The following GPD2 variants were observed in gnomAD, a reference collection of about 807,000 sequenced individuals.
GPD2 encodes glycerol-3-phosphate dehydrogenase, mitochondrial.
In GPD2, 54 loss-of-function variants were observed where a neutral mutation model predicts 82.4. The ratio of observed to expected loss-of-function variants is 0.66; its 90% CI spans 0.53 to 0.82. GPD2 has a LOEUF of 0.82. Ranked by LOEUF, GPD2 falls within the 40% of genes least tolerant of loss-of-function variation. GPD2 has a pLI of 0.00. For synonymous variants in GPD2, 288 were observed against 306.1 expected (o/e 0.94, Z 0.62); for missense variants, 748 against 896.2 (o/e 0.83, Z 2.11).
chr2:156,519,847 G>T (rs763148182), intron 6 of GPD2, among the ~76,000 whole-genome samples: 1 of 152,218 alleles, frequency 6.6e-6, no homozygotes, highest in Non-Finnish European at 1.5e-5. Flanking sequence ...GCATCTAGGG[G>T]TGTGTTATGA....
chr2:156,467,449 G>A (rs1294993937), intron 1 of GPD2, among the ~76,000 whole-genome samples: 1 of 152,162 alleles, frequency 6.6e-6, no homozygotes, highest in Non-Finnish European at 1.5e-5. Flanking sequence ...TCAGGATAAT[G>A]CTTTTCTCAG....
chr2:156,576,651 C>T (rs1687832284), intron 13 of GPD2, among the ~76,000 whole-genome samples: 1 of 152,098 alleles, frequency 6.6e-6, no homozygotes, highest in South Asian at 2.1e-4. Context: ...AGGCTTTGTT[C>T]TTCCATTTTT....
At chr2:156,581,447 A>G (rs567145503) in intron 16 of GPD2, among the ~76,000 whole-genome samples, 1 of 152,232 alleles carries the variant, frequency 6.6e-6, no homozygotes, top group Admixed American at 6.5e-5. Flanking sequence ...GCTCTGATAA[A>G]CTTTGCAGGT....
the GPD2 span, among the ~76,000 whole-genome samples, chr2:156,428,566 TG>T: frequency 2.6e-5 from 4 of 152,220 alleles, no homozygotes; most frequent in Admixed American, 1.3e-4. Context: ...ATTTCTCATA[TG>T]TCAAGTTGTT....
the GPD2 span, among the ~76,000 whole-genome samples, chr2:156,422,372 T>C: frequency 6.6e-6 from 1 of 152,136 alleles, no homozygotes; most frequent in Non-Finnish European, 1.5e-5. Context: ...GATTGGAAAC[T>C]GTCTTTGTAG....
intron 1 of GPD2, among the ~76,000 whole-genome samples, chr2:156,461,989 A>C (rs1415062901): frequency 6.6e-6 from 1 of 152,200 alleles, no homozygotes; most frequent in Non-Finnish European, 1.5e-5. Flanking sequence ...AGAAATTACA[A>C]TTTTAATCTT....
chr2:156,436,203 C>T (rs980557612), upstream of GPD2, among the ~76,000 whole-genome samples: 3 of 152,264 alleles, frequency 2.0e-5, 1 homozygote, highest in Non-Finnish European at 4.4e-5. Flanking sequence ...TCCGCGTTTC[C>T]CCGCTGGGCC....
chr2:156,504,612 T>A (rs2105258571), intron 3 of GPD2, among the ~76,000 whole-genome samples: 1 of 152,134 alleles, frequency 6.6e-6, no homozygotes, highest in Non-Finnish European at 1.5e-5. Context: ...TAATTAAAGA[T>A]ACAAGGAGTT....
At chr2:156,425,794 C>A in the GPD2 span, among the ~76,000 whole-genome samples, 1 of 152,208 alleles carries the variant, frequency 6.6e-6, no homozygotes, top group Non-Finnish European at 1.5e-5. Flanking sequence ...CTTTACCTTG[C>A]CTGGGAGGCA....
chr2:156,449,606 A>T (rs1388311030), intron 1 of GPD2, among the ~76,000 whole-genome samples: 1 of 152,082 alleles, frequency 6.6e-6, no homozygotes, highest in South Asian at 2.1e-4. Flanking sequence ...GCCATCAAAG[A>T]TTATGCTGGC....
the GPD2 span, among the ~76,000 whole-genome samples, chr2:156,416,030 A>C: frequency 3.9e-3 from 384 of 98,858 alleles, 35 homozygotes; most frequent in African/African-American, 0.01. Flanking sequence ...CAAAAAAAAA[A>C]AAAAACAAAA....
At chr2:156,530,686 A>T (rs927141880) in intron 6 of GPD2, among the ~76,000 whole-genome samples, 47 of 152,106 alleles carry the variant, frequency 3.1e-4, no homozygotes, top group African/African-American at 1.1e-3. Flanking sequence ...CTATTGAGAT[A>T]ATCATGTGGT....
intron 1 of GPD2, among the ~76,000 whole-genome samples, chr2:156,475,443 C>T (rs1298796186): frequency 3.3e-5 from 5 of 152,136 alleles, no homozygotes; most frequent in Admixed American, 3.3e-4. Context: ...ATTCTCCTGC[C>T]TCAGCCTCCC....
At chr2:156,475,552 A>G (rs572177173) in intron 1 of GPD2, among the ~76,000 whole-genome samples, 3 of 152,298 alleles carry the variant, frequency 2.0e-5, no homozygotes, top group African/African-American at 7.2e-5. Context: ...CAATAATAGA[A>G]ATATAACACT....
At chr2:156,504,855 G>A (rs374395376) in intron 3 of GPD2, among the ~76,000 whole-genome samples, 1 of 151,968 alleles carries the variant, frequency 6.6e-6, no homozygotes, top group Non-Finnish European at 1.5e-5. Flanking sequence ...TTACAAAAAT[G>A]TACATATGTG....
At chr2:156,401,167 C>A in the GPD2 span, among the ~76,000 whole-genome samples, 1 of 152,174 alleles carries the variant, frequency 6.6e-6, no homozygotes, top group Non-Finnish European at 1.5e-5. Context: ...GGGAATCGAA[C>A]CCGGGCCTCC....
intron 6 of GPD2, among the ~76,000 whole-genome samples, chr2:156,530,437 A>G (rs1323976477): frequency 6.6e-6 from 1 of 151,410 alleles, no homozygotes; most frequent in Non-Finnish European, 1.5e-5. Context: ...TCTCCTGTCT[A>G]ATTGCCCTGG....
At chr2:156,492,622 A>G (rs1453511659) in intron 2 of GPD2, among the ~76,000 whole-genome samples, 1 of 152,114 alleles carries the variant, frequency 6.6e-6, no homozygotes, top group African/African-American at 2.4e-5. Context: ...ATGATATGGA[A>G]GGAGGCTGGG....
intron 1 of GPD2, among the ~76,000 whole-genome samples, chr2:156,468,773 A>G (rs1204360668): frequency 2.0e-5 from 3 of 152,190 alleles, no homozygotes; most frequent in African/African-American, 7.2e-5. Context: ...CAGGCATGCA[A>G]TGAGTAACAG....
Sources: allele counts gnomAD v4.1 joint callset (sites outside exome capture counted in the v4.1 genomes callset), GRCh38; gene constraint gnomAD v4.1.1; transcripts MANE v1.5; gene names NCBI Gene and HGNC (gene_info 2026-07-23, HGNC 2026-07-21).